Variants in FAAH2 observed in about 807,000 individuals in gnomAD.
FAAH2 encodes the protein fatty acid amide hydrolase 2.
Under a neutral mutation model 36.9 loss-of-function variants are expected in FAAH2, and 60 were observed. The observed-to-expected ratio is 1.63, with a 90% CI of 1.32 to 2.02. FAAH2 has a LOEUF of 2.02. Ranked by LOEUF, FAAH2 falls within the 30% of genes most tolerant of loss-of-function variation. FAAH2 has a pLI of 0.00. For missense variants in FAAH2, 689 were observed against 397.5 expected, an observed-to-expected ratio of 1.73 and a Z score of -6.23; for synonymous variants, 214 against 143.8, an observed-to-expected ratio of 1.49 and a Z score of -3.49.
At chrX:57,124,431 G>A in the FAAH2 span, among the ~76,000 whole-genome samples, 2 of 111,740 alleles carry the variant, frequency 1.8e-5, no homozygotes, top group South Asian at 3.7e-4. Flanking sequence ...TTGAAGTCAG[G>A]TAGCGTGATG....
At chrX:57,214,142 C>G in the FAAH2 span, among the ~76,000 whole-genome samples, 3 of 111,290 alleles carry the variant, frequency 2.7e-5, no homozygotes, top group Non-Finnish European at 5.7e-5. Context: ...CTTTTGTTTC[C>G]TGTTTGCATG....
In FAAH2 at chrX:57,473,188, G is replaced by T. The variant is rs778087301; in HGVS notation, c.1424-15569G>T. On this transcript the variant is annotated intron_variant, in intron 10 of 10. Coordinates refer to ENST00000374900, the MANE Select transcript of FAAH2 (RefSeq NM_174912.4). ...TTTAATGCTATAAACTTTCGTTTTA[G>T]CACTTTTTTGCTGTGTTTTAGATGT... Among the ~76,000 whole-genome samples, 3 of 110,903 alleles carry T rather than the reference G, an allele frequency of 2.7e-5. No homozygotes were observed. The East Asian group carries it at 8.5e-4, about 32-fold the overall frequency.
the FAAH2 span, among the ~76,000 whole-genome samples, chrX:57,254,084 G>A: frequency 4.1e-3 from 456 of 109,985 alleles, 3 homozygotes; most frequent in African/African-American, 0.015. Flanking sequence ...TAAAGGGATG[G>A]AGGAAGATCT....
intron 7 of FAAH2, chrX:57,394,503 G>T: frequency 1.7e-6 from 2 of 1,205,874 alleles, no homozygotes; most frequent in East Asian, 3.0e-5. Flanking sequence ...CTTGGAACAG[G>T]TGTCTTGAGG....
chrX:57,131,101 C>T, the FAAH2 span, among the ~76,000 whole-genome samples: 1 of 89,897 alleles, frequency 1.1e-5, no homozygotes, highest in Non-Finnish European at 2.1e-5. Context: ...TTTTTTGAGA[C>T]GGAGTCTCGC....
At chrX:57,275,480 G>A in the FAAH2 span, among the ~76,000 whole-genome samples, 1 of 112,082 alleles carries the variant, frequency 8.9e-6, no homozygotes, top group African/African-American at 3.2e-5. Context: ...ACGCCAAATT[G>A]TAAAGACCAT....
In FAAH2 at chrX:57,435,879, T is replaced by G. The variant is rs183849877; in HGVS notation, c.1116+3842T>G. 3.4e-4 allele frequency among the ~76,000 whole-genome samples: 38 copies of G among 111,536 alleles called. No individual in the cohort carries two copies. The East Asian group carries it at 9.9e-3, about 29-fold the overall frequency. ...TTGACAGAAAAGTCTACTCAACAACTGTGAAATGTACATTTTTTTCACATA... is the reference window on the plus strand; with the variant it reads ...TTGACAGAAAAGTCTACTCAACAACGGTGAAATGTACATTTTTTTCACATA... On this transcript the variant is annotated intron_variant, in intron 8 of 10. Transcript: ENST00000374900.
chrX:57,372,472 G>C lies in FAAH2; in HGVS notation c.743-6179G>C. Among the ~76,000 whole-genome samples, 2 of 110,851 alleles carry C rather than the reference G, an allele frequency of 1.8e-5. 1 individual carries two copies. The highest frequency in any genetic ancestry group is 5.6e-4 in the East Asian group (2 of 3,542). On this transcript the variant is annotated intron_variant, in intron 5 of 10. Coordinates refer to ENST00000374900, the MANE Select transcript of FAAH2 (RefSeq NM_174912.4). The stretch of plus-strand genomic sequence containing the variant: ...CTTCTTCTGAGAAGCATCTGTTCAT[G>C]TGTCTTGTTCACTTTTTCATGGGGT...
At chrX:57,454,040 A>G (rs1455190079) in intron 10 of FAAH2, among the ~76,000 whole-genome samples, 8 of 111,114 alleles carry the variant, frequency 7.2e-5, no homozygotes, top group Admixed American at 9.5e-5. Context: ...AAAGCCCAGG[A>G]GCCATCTAGG....
At chrX:57,210,297 T>C in the FAAH2 span, among the ~76,000 whole-genome samples, 1 of 111,520 alleles carries the variant, frequency 9.0e-6, no homozygotes, top group African/African-American at 3.3e-5. Context: ...TTTCTAATAG[T>C]AAATAAAACA....
At chrX:57,263,793 T>C in the FAAH2 span, among the ~76,000 whole-genome samples, 1 of 111,682 alleles carries the variant, frequency 9.0e-6, no homozygotes, top group African/African-American at 3.2e-5. Context: ...TACCCAATTG[T>C]ATTACATTAT....
Position 57,330,792 on chromosome X carries a change from A to G in FAAH2, c.413-806A>G, listed in dbSNP as rs781175335. Among the ~76,000 whole-genome samples, 266 of 111,113 alleles carry G rather than the reference A, an allele frequency of 2.4e-3. 1 individual carries two copies. The highest frequency in any genetic ancestry group is 8.5e-3 in the African/African-American group (258 of 30,488). On this transcript the variant is annotated intron_variant, in intron 3 of 10. Transcript: ENST00000374900. ...AAAATAGAAAAGAACCTATGTGACTATCGGGGCAGGTTCCCCAATAGGAGG... is the reference window on the plus strand; with the variant it reads ...AAAATAGAAAAGAACCTATGTGACTGTCGGGGCAGGTTCCCCAATAGGAGG...
chrX:57,295,596 C>T (rs781232568), intron 2 of FAAH2, among the ~76,000 whole-genome samples: 36 of 111,818 alleles, frequency 3.2e-4, no homozygotes, highest in Middle Eastern at 4.6e-3. Context: ...CTGGGGAGTG[C>T]TGGACAGTGG....
At chrX:57,296,202 C>A (rs961230643) in intron 2 of FAAH2, among the ~76,000 whole-genome samples, 1 of 111,938 alleles carries the variant, frequency 8.9e-6, no homozygotes, top group Non-Finnish European at 1.9e-5. Context: ...AGGCACCCCT[C>A]AGTAGGGCCA....
chrX:57,340,145 A>G (rs968858393), intron 4 of FAAH2, among the ~76,000 whole-genome samples: 9 of 111,810 alleles, frequency 8.0e-5, no homozygotes, highest in African/African-American at 2.9e-4. Context: ...TGTGAGTCCG[A>G]GCGTCCAAAA....
the FAAH2 span, among the ~76,000 whole-genome samples, chrX:57,170,537 C>A: frequency 9.0e-6 from 1 of 111,294 alleles, no homozygotes; most frequent in Non-Finnish European, 1.9e-5. Context: ...ACCTGTCACC[C>A]GAGTACTGTA....
intron 2 of FAAH2, among the ~76,000 whole-genome samples, chrX:57,301,404 T>C (rs1332936130): frequency 2.1e-5 from 2 of 93,669 alleles, no homozygotes; most frequent in Non-Finnish European, 4.1e-5. Flanking sequence ...TAGGTGGGAA[T>C]TGAACAATGA....
the FAAH2 span, among the ~76,000 whole-genome samples, chrX:57,124,352 C>T: frequency 9.0e-6 from 1 of 111,161 alleles, no homozygotes; most frequent in Non-Finnish European, 1.9e-5. Flanking sequence ...TGTTCTGTTC[C>T]ATTGGTCTAT....
intron 8 of FAAH2, among the ~76,000 whole-genome samples, chrX:57,445,045 A>G (rs1443785460): frequency 8.9e-6 from 1 of 111,756 alleles, no homozygotes; most frequent in Non-Finnish European, 1.9e-5. Flanking sequence ...ATGCTTATGT[A>G]CATTTATTAA....
Sources: gnomAD v4.1 joint callset for allele counts (sites outside exome capture counted in the v4.1 genomes callset) on GRCh38, gnomAD v4.1.1 for gene constraint, MANE v1.5 for transcripts, NCBI Gene and HGNC (gene_info 2026-07-23, HGNC 2026-07-21) for gene names.